RC3H1: variants seen among roughly 807,000 people sequenced by gnomAD.
RC3H1 encodes the protein ring finger and CCCH-type domains 1.
RC3H1 carries 50 observed loss-of-function variants against 138.2 expected under a neutral mutation model. The ratio of observed to expected loss-of-function variants is 0.36; its 90% CI spans 0.29 to 0.46. The LOEUF is 0.46. RC3H1 is among the 20% of genes least tolerant of loss of function. The pLI is 1.00. For missense variants in RC3H1, 1,031 were observed against 1,388.1 expected, an observed-to-expected ratio of 0.74 and a Z score of 4.09; for synonymous variants, 462 against 489.1, an observed-to-expected ratio of 0.94 and a Z score of 0.73.
intron 12 of RC3H1, 34 bp from the exon 13 acceptor site, chr1:173,961,278 G>GAATT: frequency 6.4e-7 from 1 of 1,568,218 alleles, no homozygotes; most frequent in Non-Finnish European, 8.7e-7. Context: ...AATTGAAAGA[G>GAATT]AATTTCAGGA....
chr1:174,006,110 G>C (rs1661648197), intron 1 of RC3H1, among the ~76,000 whole-genome samples: 1 of 152,096 alleles, frequency 6.6e-6, no homozygotes, highest in Admixed American at 6.5e-5. Flanking sequence ...GGGAGGCTGA[G>C]GCAGGAGAAT....
At position 173,965,090 on chromosome 1, in the gene RC3H1, C is replaced by T. The variant is rs142307141; in HGVS notation, c.1365G>A (p.Pro455=). ...CCAAAGAGGCACTCAAGGGTCTTCT[C>T]GGAACCAGGCGCTTATTCATTTTAC... ...KFRKMNKRLV[P]RRPLSASLGQ... The change falls in exon 10 of 20, where the codon CCG becomes CCA. Residue 455 remains proline, a synonymous_variant. Transcript: ENST00000367696. 2.1e-5 allele frequency: 34 copies of T among 1,613,206 alleles called. No homozygotes were observed. The highest frequency in any genetic ancestry group is 1.6e-4 in the East Asian group (7 of 44,892).
intron 19 of RC3H1, among the ~76,000 whole-genome samples, chr1:173,941,055 C>T (rs144254028): frequency 0.072 from 10,887 of 152,082 alleles, 1,352 homozygotes; most frequent in African/African-American, 0.25. Context: ...CTCTTGACCT[C>T]GTGATCTGCC....
At chr1:173,983,747 G>A (rs1660913825) in intron 3 of RC3H1, 90 bp from the exon 4 acceptor site, 1 of 1,346,182 alleles carries the variant, frequency 7.4e-7, no homozygotes. Context: ...TTGTGGGTAT[G>A]TGACTAGTTC....
intron 13 of RC3H1, among the ~76,000 whole-genome samples, chr1:173,958,814 G>GT (rs139124914): frequency 0.037 from 5,331 of 145,152 alleles, 342 homozygotes; most frequent in African/African-American, 0.13. Flanking sequence ...TTATTTGACT[G>GT]TTTTTTTTTT....
intron 1 of RC3H1, among the ~76,000 whole-genome samples, chr1:173,999,338 C>A (rs1661518977): frequency 6.6e-6 from 1 of 151,064 alleles, no homozygotes; most frequent in African/African-American, 2.4e-5. Context: ...CGAGATCGTG[C>A]CATTGCACTC....
intron 14 of RC3H1, 46 bp downstream of exon 14, chr1:173,951,940 G>A (rs1426794438): frequency 2.0e-6 from 3 of 1,528,310 alleles, no homozygotes; most frequent in Admixed American, 4.1e-5. Flanking sequence ...AAATTTATTT[G>A]GTTTATCTTA....
intron 12 of RC3H1, among the ~76,000 whole-genome samples, 196 bp from the exon 13 acceptor site, chr1:173,961,440 G>T (rs1280261446): frequency 6.6e-6 from 1 of 151,844 alleles, no homozygotes; most frequent in Non-Finnish European, 1.5e-5. Flanking sequence ...CTAAATTTAG[G>T]TTTCTTTTAT....
At chr1:173,985,233 A>G (rs545832637) in intron 2 of RC3H1, among the ~76,000 whole-genome samples, 1 of 152,276 alleles carries the variant, frequency 6.6e-6, no homozygotes, top group South Asian at 2.1e-4. Context: ...GGTTGTTTCT[A>G]TTTTTGACTA....
chr1:173,974,379 T>C (rs976310149), intron 7 of RC3H1, among the ~76,000 whole-genome samples: 4 of 151,848 alleles, frequency 2.6e-5, no homozygotes, highest in Admixed American at 2.6e-4. Flanking sequence ...AGGGTTTAAG[T>C]GTGCCTACTG....
chr1:173,987,198 T>C (rs1350711650), intron 2 of RC3H1, among the ~76,000 whole-genome samples: 1 of 152,224 alleles, frequency 6.6e-6, no homozygotes, highest in African/African-American at 2.4e-5. Flanking sequence ...ACTGTACTTT[T>C]TGGAAGGAGT....
intron 1 of RC3H1, among the ~76,000 whole-genome samples, chr1:174,019,059 T>A (rs1172467366): frequency 2.0e-5 from 3 of 152,198 alleles, no homozygotes; most frequent in East Asian, 1.9e-4. Context: ...TTTAAAAAAA[T>A]TTATAAAGTA....
intron 1 of RC3H1, among the ~76,000 whole-genome samples, chr1:174,019,053 A>T (rs1014024735): frequency 1.3e-5 from 2 of 152,222 alleles, no homozygotes; most frequent in African/African-American, 4.8e-5. Context: ...TAATTATTTA[A>T]AAAAATTTAT....
At chr1:174,009,025 C>G (rs1210431524) in intron 1 of RC3H1, among the ~76,000 whole-genome samples, 1 of 150,042 alleles carries the variant, frequency 6.7e-6, no homozygotes, top group Non-Finnish European at 1.5e-5. Context: ...TCCCAAGTAG[C>G]TGCTAATGTT....
At chr1:174,019,982 T>C (rs1054058883) in intron 1 of RC3H1, among the ~76,000 whole-genome samples, 4 of 152,144 alleles carry the variant, frequency 2.6e-5, no homozygotes, top group Admixed American at 6.5e-5. Flanking sequence ...CACGGTGAGA[T>C]TGTTTTCATA....
rs1658634480 is a variant in RC3H1 at position 173,937,029 on chromosome 1, T to C, written c.*1692A>G. On this transcript the variant is annotated 3_prime_UTR_variant, in exon 20 of 20. Transcript: ENST00000367696. ...AGCCAATATGTGTATATCAAATCCT[T>C]GACCAGCCAGGTCTGTAGGGCATAA... The C allele has an allele frequency of 6.6e-6, 1 of 150,910 alleles. No homozygotes were observed. Among genetic ancestry groups the C allele is most frequent in the Non-Finnish European group, 1.5e-5 (1 of 67,840 alleles). 9.3% of individuals were successfully genotyped at this position (150,910 alleles called of 1,614,324 possible).
At chr1:174,001,832 A>G (rs1661569282) in intron 1 of RC3H1, among the ~76,000 whole-genome samples, 1 of 152,222 alleles carries the variant, frequency 6.6e-6, no homozygotes, top group South Asian at 2.1e-4. Context: ...ACTCTGTTGA[A>G]TATTACATAT....
intron 7 of RC3H1, among the ~76,000 whole-genome samples, chr1:173,975,389 C>T (rs528210287): frequency 2.6e-5 from 4 of 151,822 alleles, no homozygotes; most frequent in Admixed American, 2.0e-4. Context: ...CCACTGCACC[C>T]GGCCGAGAAA....
chr1:173,956,856 C>A (rs993977374), intron 13 of RC3H1, among the ~76,000 whole-genome samples: 3 of 151,862 alleles, frequency 2.0e-5, no homozygotes, highest in African/African-American at 7.3e-5. Flanking sequence ...CTTTCTATAT[C>A]ATGTATTTCT....
Sources: gnomAD v4.1 joint callset for allele counts (sites outside exome capture counted in the v4.1 genomes callset) on GRCh38, gnomAD v4.1.1 for gene constraint, MANE v1.5 for transcripts, NCBI Gene and HGNC (gene_info 2026-07-23, HGNC 2026-07-21) for gene names.